C4orf50: variants seen among roughly 807,000 people sequenced by gnomAD.
C4orf50 encodes the protein chromosome 4 open reading frame 50.
Under a neutral mutation model 77.2 loss-of-function variants are expected in C4orf50, and 80 were observed. The observed-to-expected ratio is 1.04, with a 90% CI of 0.87 to 1.25. C4orf50 has a LOEUF of 1.25. Ranked by LOEUF, C4orf50 falls within the 50% of genes most tolerant of loss-of-function variation. C4orf50 has a pLI of 0.00. For synonymous variants in C4orf50, 532 were observed against 465.3 expected, an observed-to-expected ratio of 1.14 and a Z score of -1.84; for missense variants, 1,257 against 1,152.9, an observed-to-expected ratio of 1.09 and a Z score of -1.31.
chr4:5,971,373 G>A (rs781495998), intron 31 of C4orf50, among the ~76,000 whole-genome samples: 16 of 152,182 alleles, frequency 1.1e-4, no homozygotes, highest in South Asian at 4.1e-4. Context: ...ACACCCTGCC[G>A]GGGCACAGGT....
chr4:5,907,293 AG>A (rs1225177302), intron 7 of C4orf50, among the ~76,000 whole-genome samples: 1 of 152,246 alleles, frequency 6.6e-6, no homozygotes, highest in Non-Finnish European at 1.5e-5. Flanking sequence ...CAAGTACCAC[AG>A]GGTCACTTCC....
At chr4:5,913,447 T>C (rs1425286328) in intron 7 of C4orf50, among the ~76,000 whole-genome samples, 3 of 152,184 alleles carry the variant, frequency 2.0e-5, no homozygotes, top group African/African-American at 4.8e-5. Flanking sequence ...AGAAATAGCA[T>C]ATACTATGAA....
chr4:5,955,174 C>A (rs1034202961), downstream of C4orf50, among the ~76,000 whole-genome samples: 1 of 152,154 alleles, frequency 6.6e-6, no homozygotes, highest in East Asian at 1.9e-4. The surrounding 1 kb of genome is among the most constrained non-coding windows in gnomAD (Gnocchi z 5.1). Context: ...AAAGCAGTGG[C>A]GGCACTTCCA....
chr4:5,969,728 G>T (rs566968753), intron 31 of C4orf50, among the ~76,000 whole-genome samples: 5 of 152,150 alleles, frequency 3.3e-5, no homozygotes. Flanking sequence ...CCCCCACCTG[G>T]CCTAAGATAA....
chr4:5,949,632 G>A (rs1718635114), intron 7 of C4orf50, among the ~76,000 whole-genome samples: 1 of 152,180 alleles, frequency 6.6e-6, no homozygotes, highest in South Asian at 2.1e-4. Context: ...GGTGATGGTT[G>A]AATAACAATG....
intron 7 of C4orf50, among the ~76,000 whole-genome samples, chr4:5,915,934 C>T (rs897427281): frequency 4.6e-5 from 7 of 152,194 alleles, no homozygotes; most frequent in African/African-American, 1.7e-4. Flanking sequence ...GTACCTAGAA[C>T]CATAGATTTC....
intron 33 of C4orf50, among the ~76,000 whole-genome samples, chr4:5,961,951 A>C (rs2108764474): frequency 6.6e-6 from 1 of 152,258 alleles, no homozygotes; most frequent in South Asian, 2.1e-4. Flanking sequence ...TTATTTAACA[A>C]GTTTGTTTTC....
rs1307786005 is a variant in C4orf50 at position 5,958,357 on chromosome 4, T to A, written c.*1018A>T. On this transcript the variant is annotated 3_prime_UTR_variant, in exon 34 of 34. Coordinates refer to ENST00000531445, the Ensembl canonical transcript of C4orf50. The surrounding 1 kb of genome is among the most constrained non-coding windows in gnomAD (Gnocchi z 5.4). ...GCTTGCAGCTGGCTTGACAAGAGCA[T>A]GCTTTGCCCACTTCCCCTCCAGGGG... 6.6e-6 allele frequency: 1 copy of A among 152,226 alleles called. No individual in the cohort carries two copies. The highest frequency in any genetic ancestry group is 1.5e-5 in the Non-Finnish European group (1 of 68,070). 9.4% of individuals were successfully genotyped at this position (152,226 alleles called of 1,614,324 possible). A position where few individuals can be genotyped will look rare whatever the true frequency, so the allele number is the denominator to read the frequency against.
rs1180415751 is a variant in C4orf50 at position 6,011,192 on chromosome 4, A to T, written c.426+638T>A. 6.6e-6 allele frequency among the ~76,000 whole-genome samples: 1 copy of T among 152,108 alleles called. No individual in the cohort carries two copies. Among genetic ancestry groups the T allele is most frequent in the Non-Finnish European group, 1.5e-5 (1 of 68,016 alleles). ...ATCTGACCCTGAGGCTTCCCTACTTAAGTCCCCTAAAGCTTGTTCCCCATT... is the reference window on the plus strand; with the variant it reads ...ATCTGACCCTGAGGCTTCCCTACTTTAGTCCCCTAAAGCTTGTTCCCCATT... On this transcript the variant is annotated intron_variant, in intron 24 of 33. Coordinates refer to ENST00000531445, the Ensembl canonical transcript of C4orf50. This position sits in a 1 kb window ranked among gnomAD's most constrained non-coding sequence, Gnocchi z 4.2.
At chr4:5,988,282 G>A in intron 28 of C4orf50, 65 bp downstream of exon 6, 1 of 1,562,526 alleles carries the variant, frequency 6.4e-7, no homozygotes, top group Non-Finnish European at 8.7e-7. Flanking sequence ...TTGCATAAGT[G>A]AATGGGGTGG....
Position 5,911,344 on chromosome 4 carries a change from C to T in C4orf50, c.*2475-13156G>A, listed in dbSNP as rs551967900. Among the ~76,000 whole-genome samples, 18 of 152,296 alleles carry T rather than the reference C, an allele frequency of 1.2e-4. No individual in the cohort carries two copies. The East Asian group carries it at 3.3e-3, about 28-fold the overall frequency. On this transcript the variant is annotated intron_variant, in intron 7 of 7. Coordinates refer to the C4orf50 transcript ENST00000324058. ...TCTGATGGGGAGCCCACCAGCTGTGCCAGGGAAGTCTGTTTCATGGACAAC... is the reference window on the plus strand; with the variant it reads ...TCTGATGGGGAGCCCACCAGCTGTGTCAGGGAAGTCTGTTTCATGGACAAC...
At chr4:6,003,355 G>A (rs1465525948) in intron 25 of C4orf50, among the ~76,000 whole-genome samples, 1 of 152,196 alleles carries the variant, frequency 6.6e-6, no homozygotes, top group Admixed American at 6.5e-5. Context: ...TACAGTGTAG[G>A]TAGTGAGGGT....
intron 7 of C4orf50, among the ~76,000 whole-genome samples, chr4:5,918,095 G>A (rs1177392500): frequency 3.3e-5 from 5 of 152,188 alleles, no homozygotes; most frequent in Non-Finnish European, 7.3e-5. Context: ...GAAGCTCCGG[G>A]AAGAAGCCCT....
At chr4:5,948,251 T>C (rs1261118627) in intron 7 of C4orf50, among the ~76,000 whole-genome samples, 4 of 152,248 alleles carry the variant, frequency 2.6e-5, no homozygotes, top group African/African-American at 9.6e-5. Flanking sequence ...CGGGAAGTGC[T>C]GCTAGGAGTC....
rs11737078 is a variant in C4orf50, at chr4:5,905,922, G to C, written c.*2475-7734C>G. Among the ~76,000 whole-genome samples the C allele has an allele frequency of 0.39, 58,563 of 151,594 alleles. 14,057 individuals are homozygous for C. Among genetic ancestry groups the C allele is most frequent in the East Asian group, 0.73 (3,753 of 5,108 alleles). On this transcript the variant is annotated intron_variant, in intron 7 of 7. Coordinates refer to the C4orf50 transcript ENST00000324058. This position sits in a 1 kb window ranked among gnomAD's most constrained non-coding sequence, Gnocchi z 5.4. ...CTATGCTAAGCACGGGGGCAGGGGGGCGGGGGGCAGAGGGACGGATGCCCT... is the reference window on the plus strand; with the variant it reads ...CTATGCTAAGCACGGGGGCAGGGGGCCGGGGGGCAGAGGGACGGATGCCCT...
exon 26 of C4orf50, chr4:5,994,399 G>A (rs1285953634): frequency 7.5e-6 from 3 of 399,120 alleles, no homozygotes; most frequent in African/African-American, 6.2e-5. Flanking sequence ...AGTTCCGCCA[G>A]TCTTGGCTTC....
At chr4:5,952,854 T>C (rs1268340252), downstream of C4orf50, among the ~76,000 whole-genome samples, 1 of 152,202 alleles carries the variant, frequency 6.6e-6, no homozygotes, top group African/African-American at 2.4e-5. This position sits in a 1 kb window ranked among gnomAD's most constrained non-coding sequence, Gnocchi z 4.4. Context: ...CGACTCGTTT[T>C]GGCACCGGCT....
Position 6,003,460 on chromosome 4 carries a change from G to C in C4orf50, c.963+4536C>G, listed in dbSNP as rs542354612. Among the ~76,000 whole-genome samples, 12 of 151,986 alleles carry C rather than the reference G, an allele frequency of 7.9e-5. No homozygotes were observed. In the South Asian group the frequency reaches 2.5e-3, roughly 32 times the overall value. On this transcript the variant is annotated intron_variant, in intron 25 of 33. Coordinates refer to ENST00000531445, the Ensembl canonical transcript of C4orf50. ...TGGTGATAGTGATGAGGGTGGTAAT[G>C]GTGATGATGGTGATGGTGGTCATGG... is the stretch of plus-strand genomic sequence containing the variant.
At chr4:5,902,203 A>T (rs947096491) in intron 7 of C4orf50, 1 of 152,234 alleles carries the variant, frequency 6.6e-6, no homozygotes, top group East Asian at 1.9e-4. Flanking sequence ...TTTTTAACCT[A>T]GAAAACAGAT....
Sources: gnomAD v4.1 joint callset for allele counts (sites outside exome capture counted in the v4.1 genomes callset) on GRCh38, gnomAD v4.1.1 for gene constraint, Gnocchi (gnomAD v3.1) non-coding constraint, MANE v1.5 for transcripts, NCBI Gene and HGNC (gene_info 2026-07-23, HGNC 2026-07-21) for gene names.